IL1RAPL1: variants seen among roughly 807,000 people sequenced by gnomAD.
The protein encoded by IL1RAPL1 is interleukin 1 receptor accessory protein like 1, also known as interleukin-1 receptor accessory protein-like 1.
Under a neutral mutation model 48.4 loss-of-function variants are expected in IL1RAPL1, and 3 were observed. The observed-to-expected ratio is 0.06, with a 90% CI of 0.03 to 0.16. The LOEUF is 0.16. Among genes scored for constraint, IL1RAPL1 ranks in the 10% least tolerant of loss-of-function variants. The pLI is 1.00. For missense variants in IL1RAPL1, 349 were observed against 530.6 expected, an observed-to-expected ratio of 0.66 and a Z score of 3.36; for synonymous variants, 185 against 187.7, an observed-to-expected ratio of 0.99 and a Z score of 0.12.
intron 3 of IL1RAPL1, among the ~76,000 whole-genome samples, chrX:29,348,446 G>A (rs1378353807): frequency 8.9e-6 from 1 of 112,106 alleles, no homozygotes; most frequent in Non-Finnish European, 1.9e-5. Flanking sequence ...TGGGTGTAAG[G>A]AGTTAACAAC....
intron 5 of IL1RAPL1, among the ~76,000 whole-genome samples, chrX:29,427,154 C>T (rs979439720): frequency 9.0e-6 from 1 of 111,632 alleles, no homozygotes; most frequent in African/African-American, 3.3e-5. Flanking sequence ...TGTTAGGTTC[C>T]AGGGAGCTTC....
chrX:28,818,798 C>G (rs1936898032), intron 2 of IL1RAPL1, among the ~76,000 whole-genome samples: 1 of 110,988 alleles, frequency 9.0e-6, no homozygotes, highest in African/African-American at 3.3e-5. Context: ...TATAATCTGA[C>G]TGATGTCTTC....
At chrX:29,340,824 C>T (rs937129452) in intron 3 of IL1RAPL1, among the ~76,000 whole-genome samples, 1 of 111,876 alleles carries the variant, frequency 8.9e-6, no homozygotes, top group Admixed American at 9.5e-5. Context: ...CCGAGGACAC[C>T]ATGTAGCTGC....
intron 2 of IL1RAPL1, among the ~76,000 whole-genome samples, chrX:29,211,120 G>GGAGA (rs3065741): frequency 0.027 from 2,821 of 103,977 alleles, 71 homozygotes; most frequent in African/African-American, 0.07. Context: ...AAAGAGAAAG[G>GGAGA]GAGAGAGAGA....
chrX:28,845,066 G>A (rs891555359), intron 2 of IL1RAPL1, among the ~76,000 whole-genome samples: 1 of 111,636 alleles, frequency 9.0e-6, no homozygotes, highest in African/African-American at 3.2e-5. Context: ...AGGCTTCTCT[G>A]GTGAATTTAA....
Position 29,691,714 on chromosome X carries a change from G to A in IL1RAPL1, c.778+23210G>A, listed in dbSNP as rs767084130. Among the ~76,000 whole-genome samples, 11 of 97,946 alleles carry A rather than the reference G, an allele frequency of 1.1e-4. No homozygotes were observed. In the South Asian group the frequency reaches 3.0e-3, roughly 26 times the overall value. 85.1% of individuals were successfully genotyped at this position (97,946 alleles called of 115,157 possible). A position where few individuals can be genotyped will look rare whatever the true frequency, so the allele number is the denominator to read the frequency against. On this transcript the variant is annotated intron_variant, in intron 6 of 10. Transcript: ENST00000378993. ...AGCCGAGATTGCGCCACTGCAGTCC[G>A]CAGTCCGGCCTGGGCGACAGAGCGA...
At chrX:29,217,006 A>G (rs1330386477) in intron 2 of IL1RAPL1, among the ~76,000 whole-genome samples, 2 of 111,446 alleles carry the variant, frequency 1.8e-5, no homozygotes, top group African/African-American at 6.5e-5. Context: ...CTGGAGAGAA[A>G]AGCCTTATGG....
chrX:28,639,137 A>C (rs1934502983), intron 1 of IL1RAPL1, among the ~76,000 whole-genome samples: 1 of 112,111 alleles, frequency 8.9e-6, no homozygotes, highest in African/African-American at 3.2e-5. Flanking sequence ...GCCTGGCATG[A>C]AACAAGTGCT....
chrX:29,112,797 T>G (rs1167417268), intron 2 of IL1RAPL1, among the ~76,000 whole-genome samples: 8 of 100,838 alleles, frequency 7.9e-5, no homozygotes, highest in African/African-American at 2.6e-4. Flanking sequence ...ACTTTGGTTT[T>G]TTTTTTTTTT....
rs765911053 is a variant in IL1RAPL1 at position 29,956,328 on chromosome X, G to GA, written c.*530dup. The GA allele has an allele frequency of 0.03, 1,677 of 55,631 alleles. 17 individuals carry two copies. Among genetic ancestry groups the GA allele is most frequent in the Non-Finnish European group, 0.034 (991 of 29,125 alleles). The allele number at this position is 55,631 out of a possible 1,213,427, so 4.6% of individuals were successfully genotyped here. A position where few individuals can be genotyped will look rare whatever the true frequency, so the allele number is the denominator to read the frequency against. Reference sequence around the variant, plus strand: ...CAAATGCCAGCATTGCCATTCGGGGGAAAAAAAAAAAAAAAAAAAAAAGAT... The same window carrying GA: ...CAAATGCCAGCATTGCCATTCGGGGGAAAAAAAAAAAAAAAAAAAAAAAGAT... On this transcript the variant is annotated 3_prime_UTR_variant, in exon 11 of 11. Coordinates refer to ENST00000378993, the MANE Select transcript of IL1RAPL1 (RefSeq NM_014271.4).
intron 1 of IL1RAPL1, among the ~76,000 whole-genome samples, chrX:28,729,843 A>G (rs1430580130): frequency 9.0e-6 from 1 of 110,569 alleles, no homozygotes; most frequent in Non-Finnish European, 1.9e-5. Context: ...TAAAAATACA[A>G]AAATTAGCTG....
At chrX:28,755,765 T>C (rs1008495980) in intron 1 of IL1RAPL1, among the ~76,000 whole-genome samples, 9 of 112,371 alleles carry the variant, frequency 8.0e-5, no homozygotes, top group Admixed American at 1.9e-4. Flanking sequence ...TTTCTTTTCT[T>C]GCATTCTCCT....
chrX:28,846,052 C>T (rs1921501242), intron 2 of IL1RAPL1, among the ~76,000 whole-genome samples: 1 of 112,046 alleles, frequency 8.9e-6, no homozygotes, highest in Non-Finnish European at 1.9e-5. Context: ...TTTCCCTGAC[C>T]TAAAAATCCT....
intron 5 of IL1RAPL1, among the ~76,000 whole-genome samples, chrX:29,477,284 G>T (rs1020065129): frequency 8.9e-6 from 1 of 111,847 alleles, no homozygotes; most frequent in African/African-American, 3.3e-5. Context: ...TGGCATAGCA[G>T]AAGTTTTCAA....
At chrX:28,889,083 C>T (rs1922711681) in intron 2 of IL1RAPL1, among the ~76,000 whole-genome samples, 1 of 111,095 alleles carries the variant, frequency 9.0e-6, no homozygotes, top group African/African-American at 3.3e-5. Context: ...ATAGAAAAAG[C>T]TTTTGTCTGA....
At chrX:29,833,962 T>C (rs1249429356) in intron 6 of IL1RAPL1, among the ~76,000 whole-genome samples, 1 of 112,406 alleles carries the variant, frequency 8.9e-6, no homozygotes, top group Non-Finnish European at 1.9e-5. Flanking sequence ...TGGCATTCTC[T>C]GTAGCCTTTG....
At chrX:28,938,987 A>C (rs1033361460) in intron 2 of IL1RAPL1, among the ~76,000 whole-genome samples, 1 of 109,301 alleles carries the variant, frequency 9.1e-6, no homozygotes, top group African/African-American at 3.4e-5. Flanking sequence ...ATCTCGTACC[A>C]GTCAGAATGG....
intron 5 of IL1RAPL1, among the ~76,000 whole-genome samples, chrX:29,443,817 T>C (rs2147721128): frequency 9.0e-6 from 1 of 111,646 alleles, no homozygotes; most frequent in African/African-American, 3.3e-5. Context: ...TTTTTATGTG[T>C]TCTCTTATCC....
At chrX:29,224,097 A>T (rs1171880267) in intron 2 of IL1RAPL1, among the ~76,000 whole-genome samples, 1 of 111,639 alleles carries the variant, frequency 9.0e-6, no homozygotes, top group African/African-American at 3.3e-5. Context: ...TTTCAGAATG[A>T]TAACCTCCCA....
Sources: allele counts gnomAD v4.1 joint callset (sites outside exome capture counted in the v4.1 genomes callset), GRCh38; gene constraint gnomAD v4.1.1; transcripts MANE v1.5; gene names NCBI Gene and HGNC (gene_info 2026-07-23, HGNC 2026-07-21).